ATP11C: variants seen among roughly 807,000 people sequenced by gnomAD.
ATP11C encodes the protein phospholipid-transporting ATPase IG.
Under a neutral mutation model 97.4 loss-of-function variants are expected in ATP11C, and 36 were observed. That is an observed-to-expected ratio of 0.37 (90% confidence interval 0.28 to 0.49). The LOEUF (loss-of-function observed/expected upper bound fraction) is 0.49, where lower values mean the gene tolerates loss of function less well. Ranked by LOEUF, ATP11C falls within the 20% of genes least tolerant of loss-of-function variation. The probability of loss-of-function intolerance (pLI) is 0.98; values close to 1 mark genes in which losing one functional copy is unlikely to be tolerated. For synonymous variants in ATP11C, 275 were observed against 290.9 expected, an observed-to-expected ratio of 0.95 and a Z score of 0.56; for missense variants, 730 against 824.6, an observed-to-expected ratio of 0.89 and a Z score of 1.40.
chrX:139,740,027 G>T (rs937797275), intron 27 of ATP11C, among the ~76,000 whole-genome samples: 1 of 111,181 alleles, frequency 9.0e-6, no homozygotes, highest in East Asian at 2.8e-4. Context: ...TCAAAATAGA[G>T]TTTCTTCTAA....
chrX:139,881,269 T>G (rs991883547), intron 1 of ATP11C, among the ~76,000 whole-genome samples: 2 of 111,322 alleles, frequency 1.8e-5, no homozygotes, highest in Non-Finnish European at 3.8e-5. Context: ...AAACAAGATA[T>G]GAGGAAGACT....
chrX:139,822,897 C>G (rs918851665), intron 2 of ATP11C, among the ~76,000 whole-genome samples: 5 of 110,086 alleles, frequency 4.5e-5, no homozygotes, highest in African/African-American at 1.7e-4. Flanking sequence ...ACATTTAGAA[C>G]ATGTTTAAAA....
At chrX:139,879,957 C>G (rs896332139) in intron 1 of ATP11C, among the ~76,000 whole-genome samples, 1 of 110,885 alleles carries the variant, frequency 9.0e-6, no homozygotes, top group African/African-American at 3.3e-5. Flanking sequence ...AGCTCTATTG[C>G]TTGATCTGGA....
At chrX:139,771,183 G>A (rs999663311) in intron 19 of ATP11C, among the ~76,000 whole-genome samples, 4 of 111,389 alleles carry the variant, frequency 3.6e-5, no homozygotes, top group East Asian at 5.7e-4. Flanking sequence ...TGCTGTTCTC[G>A]TGAGAGTGAG....
At chrX:139,760,927 CAAT>C (rs1023209324) in intron 22 of ATP11C, among the ~76,000 whole-genome samples, 4 of 111,877 alleles carry the variant, frequency 3.6e-5, no homozygotes, top group Non-Finnish European at 5.6e-5. Flanking sequence ...TAGAATTAGA[CAAT>C]GATGATGGTT....
rs1003456614 is a variant in ATP11C at position 139,726,499 on chromosome X, T to C, written c.*2467A>G. 3.6e-5 allele frequency: 4 copies of C among 112,658 alleles called. No individual in the cohort carries two copies. The highest frequency in any genetic ancestry group is 7.5e-5 in the Non-Finnish European group (4 of 53,243). 9.3% of individuals were successfully genotyped at this position (112,658 alleles called of 1,213,427 possible). ...AACTGCTTAAGTGAAAAATGTAATATTGCAGTCCCATTTTGCAAGCTGAAA... is the reference window on the plus strand; with the variant it reads ...AACTGCTTAAGTGAAAAATGTAATACTGCAGTCCCATTTTGCAAGCTGAAA... On this transcript the variant is annotated 3_prime_UTR_variant, in exon 30 of 30. Coordinates refer to ENST00000682941, the MANE Select transcript of ATP11C (RefSeq NM_001353812.2).
At chrX:139,823,780 CA>C (rs1425773228) in intron 2 of ATP11C, among the ~76,000 whole-genome samples, 1 of 111,706 alleles carries the variant, frequency 9.0e-6, no homozygotes, top group Non-Finnish European at 1.9e-5. Context: ...ATGACGAAGA[CA>C]AAAAAGCAAA....
chrX:139,856,229 G>A (rs1474592528), intron 1 of ATP11C, among the ~76,000 whole-genome samples: 1 of 112,520 alleles, frequency 8.9e-6, no homozygotes, highest in East Asian at 2.8e-4. Context: ...CTACAGCCTA[G>A]AGTAATAAGT....
intron 1 of ATP11C, 151 bp downstream of exon 1, chrX:139,931,865 G>C: frequency 1.4e-6 from 1 of 721,019 alleles, no homozygotes; most frequent in Non-Finnish European, 1.9e-6. Context: ...CCGGCCGCCT[G>C]GGCACCGTGT....
At chrX:139,729,365 T>C (rs2081297662) in intron 29 of ATP11C, among the ~76,000 whole-genome samples, 1 of 111,890 alleles carries the variant, frequency 8.9e-6, no homozygotes, top group Non-Finnish European at 1.9e-5. Context: ...ACACAGCAGA[T>C]ACTCAGGAAA....
chrX:139,803,944 G>A (rs754368840), intron 6 of ATP11C, among the ~76,000 whole-genome samples: 11 of 108,978 alleles, frequency 1.0e-4, no homozygotes, highest in Non-Finnish European at 1.7e-4. Context: ...CAAATGATCC[G>A]TCTACCTCAG....
At chrX:139,919,774 C>G (rs939486263) in intron 1 of ATP11C, among the ~76,000 whole-genome samples, 2 of 109,810 alleles carry the variant, frequency 1.8e-5, no homozygotes, top group African/African-American at 6.6e-5. Flanking sequence ...ACAAAAATAG[C>G]CGGGTGTGGT....
At chrX:139,790,778 T>A (rs918506643) in intron 12 of ATP11C, among the ~76,000 whole-genome samples, 1 of 111,668 alleles carries the variant, frequency 9.0e-6, no homozygotes, top group African/African-American at 3.3e-5. Context: ...ACTATACATA[T>A]TTTGAAAATA....
intron 1 of ATP11C, among the ~76,000 whole-genome samples, chrX:139,871,026 G>A (rs867170041): frequency 1.1e-5 from 1 of 88,216 alleles, no homozygotes; most frequent in African/African-American, 4.4e-5. Flanking sequence ...ACTGCAGTCC[G>A]CAGTCCGACC....
chrX:139,875,961 C>A (rs901854027), intron 1 of ATP11C, among the ~76,000 whole-genome samples: 1 of 111,951 alleles, frequency 8.9e-6, no homozygotes, highest in Non-Finnish European at 1.9e-5. Flanking sequence ...AGAAGTACTT[C>A]TAGCTCATTC....
intron 1 of ATP11C, among the ~76,000 whole-genome samples, chrX:139,882,452 C>T (rs2084575869): frequency 9.0e-6 from 1 of 111,574 alleles, no homozygotes; most frequent in Non-Finnish European, 1.9e-5. Flanking sequence ...ATCCTAGTGT[C>T]TGTACTAAGT....
intron 1 of ATP11C, among the ~76,000 whole-genome samples, chrX:139,830,317 G>A (rs756299479): frequency 3.0e-4 from 33 of 111,857 alleles, no homozygotes; most frequent in Admixed American, 8.6e-4. Flanking sequence ...AACAGTGATC[G>A]TCCTTAAATA....
At chrX:139,868,021 CT>C (rs1384204681) in intron 1 of ATP11C, among the ~76,000 whole-genome samples, 4 of 111,262 alleles carry the variant, frequency 3.6e-5, no homozygotes, top group Non-Finnish European at 7.5e-5. Context: ...ACATTATCAC[CT>C]AGAAAGGGAA....
At position 139,798,676 on chromosome X, in the gene ATP11C, C is replaced by T. The variant is rs45465799; in HGVS notation, c.775+3G>A. 0.058 allele frequency: 68,896 copies of T among 1,184,740 alleles called. 1,740 individuals carry two copies. The highest frequency in any genetic ancestry group is 0.073 in the Admixed American group (3,233 of 44,551). ...TGATAGGTGTATCTTAAAAATTGTTCACCATATATCTTCTCGGTATTTTTT... is the reference window on the plus strand; with the variant it reads ...TGATAGGTGTATCTTAAAAATTGTTTACCATATATCTTCTCGGTATTTTTT... On this transcript the variant is annotated splice_donor_region_variant and intron_variant, in intron 9 of 29. Transcript: ENST00000682941.
Sources: gnomAD v4.1 joint callset for allele counts (sites outside exome capture counted in the v4.1 genomes callset) on GRCh38, gnomAD v4.1.1 for gene constraint, MANE v1.5 for transcripts, NCBI Gene and HGNC (gene_info 2026-07-23, HGNC 2026-07-21) for gene names.